The following PDE1C variants were observed in gnomAD, a reference collection of about 807,000 sequenced individuals.
PDE1C encodes the protein dual specificity calcium/calmodulin-dependent 3',5'-cyclic nucleotide phosphodiesterase 1C.
PDE1C carries 62 observed loss-of-function variants against 93.1 expected under a neutral mutation model. That is an observed-to-expected ratio of 0.67 (90% CI 0.54 to 0.82). The LOEUF (loss-of-function observed/expected upper bound fraction) is 0.82. PDE1C is among the 40% of genes least tolerant of loss of function. The pLI is 0.00. For synonymous variants in PDE1C, 325 were observed against 310.1 expected (o/e 1.05, Z -0.50); for missense variants, 742 against 884.6 (o/e 0.84, Z 2.04).
chr7:31,785,283 T>C (rs1584065342), intron 16 of PDE1C: 1 of 152,034 alleles, frequency 6.6e-6, no homozygotes. Flanking sequence ...ACTGAATGAG[T>C]GTGCCCTGAG....
intron 2 of PDE1C, among the ~76,000 whole-genome samples, chr7:31,989,957 C>CG (rs1239566488): frequency 6.6e-6 from 1 of 152,204 alleles, no homozygotes; most frequent in African/African-American, 2.4e-5. Flanking sequence ...GGCACTGTGC[C>CG]GGGCACAGGG....
intron 15 of PDE1C, among the ~76,000 whole-genome samples, chr7:31,813,105 G>A (rs1011269695): frequency 6.6e-6 from 1 of 152,184 alleles, no homozygotes; most frequent in Non-Finnish European, 1.5e-5. Flanking sequence ...TGGTATTATT[G>A]TTATTGCTTT....
At chr7:32,142,335 T>C (rs1376031791) in intron 3 of PDE1C, among the ~76,000 whole-genome samples, 3 of 152,102 alleles carry the variant, frequency 2.0e-5, no homozygotes, top group Non-Finnish European at 4.4e-5. Flanking sequence ...CAGAACATAG[T>C]GAGTGCAGTG....
At chr7:32,073,237 A>T (rs1405316078), upstream of PDE1C, among the ~76,000 whole-genome samples, 4 of 152,174 alleles carry the variant, frequency 2.6e-5, no homozygotes, top group Non-Finnish European at 5.9e-5. Context: ...CATTTTTTTT[A>T]AGTTTTTGAA....
intron 2 of PDE1C, among the ~76,000 whole-genome samples, chr7:32,007,644 C>G (rs1786457423): frequency 1.3e-5 from 2 of 152,248 alleles, no homozygotes; most frequent in African/African-American, 4.8e-5. Context: ...ACCAATGCCA[C>G]TACCACTGTC....
chr7:31,688,987 G>T, the PDE1C span, among the ~76,000 whole-genome samples: 2 of 152,208 alleles, frequency 1.3e-5, no homozygotes, highest in Non-Finnish European at 2.9e-5. Context: ...TGAATTTTTT[G>T]TGGTTTGTCT....
intron 2 of PDE1C, among the ~76,000 whole-genome samples, chr7:31,919,412 A>G (rs927049480): frequency 6.6e-6 from 1 of 152,220 alleles, no homozygotes; most frequent in African/African-American, 2.4e-5. Flanking sequence ...TGGTGGTATG[A>G]GGAGTAAACA....
chr7:32,040,055 T>A (rs1301255293), intron 2 of PDE1C, among the ~76,000 whole-genome samples: 1 of 152,182 alleles, frequency 6.6e-6, no homozygotes, highest in African/African-American at 2.4e-5. Flanking sequence ...ATTTTCCTTG[T>A]GAAATGTAAA....
chr7:32,245,223 C>T (rs1285626492), intron 1 of PDE1C, among the ~76,000 whole-genome samples: 1 of 152,098 alleles, frequency 6.6e-6, no homozygotes, highest in African/African-American at 2.4e-5. Flanking sequence ...TTGTGGGAGC[C>T]ATGGTAACCC....
chr7:32,388,581 G>C (rs1257735631), intron 1 of PDE1C, among the ~76,000 whole-genome samples: 1 of 149,500 alleles, frequency 6.7e-6, no homozygotes, highest in African/African-American at 2.5e-5. Context: ...TAGAAAGGAT[G>C]AGGCAGGAGA....
intron 3 of PDE1C, among the ~76,000 whole-genome samples, chr7:32,121,563 A>G (rs750155250): frequency 2.0e-5 from 3 of 152,146 alleles, no homozygotes; most frequent in Non-Finnish European, 4.4e-5. Context: ...AGCCAGAAAA[A>G]ATTGGGGGCC....
chr7:32,025,489 C>G (rs1314483710), intron 2 of PDE1C, among the ~76,000 whole-genome samples: 1 of 152,114 alleles, frequency 6.6e-6, no homozygotes, highest in Non-Finnish European at 1.5e-5. Flanking sequence ...TGCTCAGGAA[C>G]ATGAGAAGCT....
chr7:32,110,275 C>A (rs1283895741), intron 3 of PDE1C, among the ~76,000 whole-genome samples: 1 of 152,180 alleles, frequency 6.6e-6, no homozygotes, highest in Non-Finnish European at 1.5e-5. Flanking sequence ...TTGTACCCAT[C>A]CTCTCTCCAT....
At chr7:31,902,932 C>A (rs923293010) in intron 2 of PDE1C, among the ~76,000 whole-genome samples, 1 of 151,578 alleles carries the variant, frequency 6.6e-6, no homozygotes, top group African/African-American at 2.4e-5. Context: ...CTTCCTAAAC[C>A]AAATGCTGAG....
chr7:31,786,897 CTATCTATCTATCTATCT>C (rs1562791538), intron 16 of PDE1C: 3 of 4,478 alleles, frequency 6.7e-4, no homozygotes, highest in African/African-American at 8.2e-4. Context: ...ATTATATTAT[CTATCTATCTATCTATCT>C]ATCTATCTAT....
In PDE1C at chr7:31,888,454, T is replaced by C. The variant is rs138958579; in HGVS notation, c.129-7594A>G. On this transcript the variant is annotated intron_variant, in intron 2 of 17. Coordinates refer to ENST00000396191, the MANE Select transcript of PDE1C (RefSeq NM_001191057.4). ...AAACCTGGGTCTTTGAAATGCTTAA[T>C]AAAATGGATAGGTCAAGCAAGACTG... Among the ~76,000 whole-genome samples the C allele has an allele frequency of 1.3e-3, 202 of 151,594 alleles. 2 individuals are homozygous for C. The highest frequency in any genetic ancestry group is 4.7e-3 in the African/African-American group (194 of 41,350).
chr7:31,960,948 C>T (rs959828413), intron 2 of PDE1C, among the ~76,000 whole-genome samples: 3 of 152,122 alleles, frequency 2.0e-5, no homozygotes, highest in African/African-American at 4.8e-5. Context: ...CATTTCCCAG[C>T]AGCAAGATCT....
At chr7:32,412,022 G>A (rs1202616667) in intron 1 of PDE1C, among the ~76,000 whole-genome samples, 1 of 152,052 alleles carries the variant, frequency 6.6e-6, no homozygotes, top group Non-Finnish European at 1.5e-5. Context: ...AGAGACAAGA[G>A]CATGCATGAA....
chr7:31,953,239 C>T lies in PDE1C; in HGVS notation c.129-72379G>A, dbSNP rs1030235043. Among the ~76,000 whole-genome samples the T allele has an allele frequency of 6.6e-5, 10 of 152,280 alleles. No individual in the cohort carries two copies. In the East Asian group the frequency reaches 9.7e-4, roughly 15 times the overall value. ...GGCCTACAAGGACACAGGTTTGCGA[C>T]GGTGCTGATTCAATTAGTAACCCCA... On this transcript the variant is annotated intron_variant, in intron 2 of 17. Transcript: ENST00000396191.
Sources: gnomAD v4.1 joint callset for allele counts (sites outside exome capture counted in the v4.1 genomes callset) on GRCh38, gnomAD v4.1.1 for gene constraint, MANE v1.5 for transcripts, NCBI Gene and HGNC (gene_info 2026-07-23, HGNC 2026-07-21) for gene names.